XPO6: variants seen among roughly 807,000 people sequenced by gnomAD.
XPO6 encodes the protein exportin-6.
Under a neutral mutation model 130.0 loss-of-function variants are expected in XPO6, and 3 were observed. The observed-to-expected ratio is 0.02, with a 90% CI of 0.01 to 0.06. The LOEUF (loss-of-function observed/expected upper bound fraction) is 0.06. XPO6 is among the 10% of genes least tolerant of loss of function. The probability of loss-of-function intolerance (pLI) is 1.00; values close to 1 mark genes in which losing one functional copy is unlikely to be tolerated. For missense variants in XPO6, 970 were observed against 1,393.0 expected (o/e 0.70, Z 4.83); for synonymous variants, 524 against 548.9 (o/e 0.95, Z 0.63).
intron 1 of XPO6, among the ~76,000 whole-genome samples, chr16:28,194,122 C>G (rs966876906): frequency 1.3e-5 from 2 of 152,124 alleles, no homozygotes; most frequent in Non-Finnish European, 2.9e-5. Context: ...CTCCCCCTCA[C>G]CAAGTAGCTA....
intron 1 of XPO6, among the ~76,000 whole-genome samples, chr16:28,200,985 C>G (rs1245289330): frequency 6.6e-6 from 1 of 152,044 alleles, no homozygotes; most frequent in Non-Finnish European, 1.5e-5. Flanking sequence ...GCCTCTTTCA[C>G]CCCCTCACTT....
chr16:28,177,101 G>A, intron 3 of XPO6, 119 bp downstream of exon 3: 1 of 518,830 alleles, frequency 1.9e-6, no homozygotes, highest in Non-Finnish European at 3.3e-6. Context: ...TATGTGGGAC[G>A]ACATCCCAGA....
chr16:28,169,718 C>T (rs1399185260), intron 5 of XPO6, 32 bp downstream of exon 5: 2 of 1,609,836 alleles, frequency 1.2e-6, no homozygotes, highest in African/African-American at 2.7e-5. Flanking sequence ...TGCGGGCAGG[C>T]CTCTATCTCT....
chr16:28,152,591 C>A lies in XPO6; in HGVS notation c.1224+68G>T. The A allele has an allele frequency of 1.9e-5, 30 of 1,541,102 alleles. 1 individual carries two copies. The highest frequency in any genetic ancestry group is 8.7e-5 in the South Asian group (7 of 80,134). On this transcript the variant is annotated intron_variant, in intron 8 of 23. Transcript: ENST00000304658. ...GAAAATAAAGTTGAAAGAAAAAGTTCTTTCTTCTCAAAGTAACAAGGTAAT... is the reference window on the plus strand; with the variant it reads ...GAAAATAAAGTTGAAAGAAAAAGTTATTTCTTCTCAAAGTAACAAGGTAAT...
intron 6 of XPO6, among the ~76,000 whole-genome samples, chr16:28,158,238 C>T (rs2043214006): frequency 6.6e-6 from 1 of 152,086 alleles, no homozygotes; most frequent in Non-Finnish European, 1.5e-5. Flanking sequence ...CTGTTGATTA[C>T]GGGGAAGGGA....
intron 18 of XPO6, 111 bp downstream of exon 18, chr16:28,107,411 G>C (rs2141239151): frequency 7.7e-7 from 1 of 1,299,024 alleles, no homozygotes; most frequent in East Asian, 2.3e-5. Context: ...TCGTTGCACG[G>C]AACAAGTCAA....
intron 7 of XPO6, chr16:28,154,483 A>C (rs2043150429): frequency 5.2e-6 from 1 of 192,700 alleles, no homozygotes. Context: ...GAAGCCAAGG[A>C]TCTGGTTAGC....
intron 6 of XPO6, among the ~76,000 whole-genome samples, chr16:28,161,555 G>C (rs990178447): frequency 1.3e-5 from 2 of 151,190 alleles, no homozygotes; most frequent in African/African-American, 4.9e-5. Flanking sequence ...ACTTTTTCCA[G>C]AATGGATGCT....
At position 28,117,349 on chromosome 16, in the gene XPO6, A is replaced by G. The variant is rs1326563278; in HGVS notation, c.1973T>C (p.Met658Thr). Reference sequence around the variant, plus strand: ...GCTGATTAGAGGTGTGATTGCATCCATGGTAGTAGAGATGAGTGTCACGAA... The same window carrying G: ...GCTGATTAGAGGTGTGATTGCATCCGTGGTAGTAGAGATGAGTGTCACGAA... ...QQFVTLISTT[M>T]DAITPLISTK... is the part of the protein sequence containing the mutation. Residue 658 changes from methionine to threonine, a missense_variant, in exon 15 of 24, where the codon ATG (methionine) becomes ACG (threonine). This residue lies in a region of XPO6 where 936 missense variants were observed against 1,306.8 expected (regional missense o/e 0.72). Transcript: ENST00000304658. 2 of 1,614,168 alleles carry G rather than the reference A, an allele frequency of 1.2e-6. No homozygotes were observed. Among genetic ancestry groups the G allele is most frequent in the South Asian group, 1.1e-5 (1 of 91,078 alleles).
chr16:28,200,569 C>T (rs1051223828), intron 1 of XPO6, among the ~76,000 whole-genome samples: 1 of 151,962 alleles, frequency 6.6e-6, no homozygotes, highest in African/African-American at 2.4e-5. Context: ...GCACTCCAGC[C>T]TGAGCAACAG....
At chr16:28,164,170 G>C (rs759668294) in intron 6 of XPO6, among the ~76,000 whole-genome samples, 1 of 152,170 alleles carries the variant, frequency 6.6e-6, no homozygotes. Context: ...CTAAACCTAA[G>C]ACACAGGGCA....
intron 20 of XPO6, chr16:28,105,837 T>G (rs920437428): frequency 2.8e-6 from 2 of 720,788 alleles, no homozygotes; most frequent in African/African-American, 1.8e-5. Context: ...ACTGCCATGC[T>G]TACACTAGAC....
At chr16:28,112,789 C>G in intron 16 of XPO6, 115 bp downstream of exon 16, 1 of 1,344,872 alleles carries the variant, frequency 7.4e-7, no homozygotes, top group South Asian at 1.5e-5. Flanking sequence ...TCTGTCTATG[C>G]TGGTACAGCC....
In XPO6 at chr16:28,171,656, T is replaced by C. The variant is rs551896008; in HGVS notation, c.406-1747A>G. Among the ~76,000 whole-genome samples, 202 of 152,158 alleles carry C rather than the reference T, an allele frequency of 1.3e-3. 5 individuals carry two copies. Among genetic ancestry groups the C allele is most frequent in the Non-Finnish European group, 5.0e-4 (34 of 68,028 alleles). On this transcript the variant is annotated intron_variant, in intron 4 of 23. Coordinates refer to ENST00000304658, the MANE Select transcript of XPO6 (RefSeq NM_015171.4). ...GCAGCAATGAATGATGTGTTTAAAATGCTCTCTATAAATTCAGGTCTCTTG... is the reference window on the plus strand; with the variant it reads ...GCAGCAATGAATGATGTGTTTAAAACGCTCTCTATAAATTCAGGTCTCTTG...
chr16:28,173,589 T>G (rs1361024467), intron 4 of XPO6, among the ~76,000 whole-genome samples: 3 of 152,164 alleles, frequency 2.0e-5, no homozygotes, highest in South Asian at 2.1e-4. Context: ...TTTATTAAAA[T>G]AAAAGAAAAG....
chr16:28,152,526 C>T, intron 8 of XPO6, 133 bp downstream of exon 8: 2 of 1,126,654 alleles, frequency 1.8e-6, no homozygotes, highest in Non-Finnish European at 2.4e-6. Flanking sequence ...GAAGATTAAA[C>T]CTGTGACTCT....
In XPO6 at chr16:28,098,319, C is replaced by A; in HGVS notation, c.*219G>T. ...TGGCCACACACCCCTCCGCCTGCTC[C>A]AACGCCCTGGGAGCACCGTCCAGTG... On this transcript the variant is annotated 3_prime_UTR_variant, in exon 24 of 24. Transcript: ENST00000304658. 2.0e-6 allele frequency: 1 copy of A among 496,136 alleles called. No individual in the cohort carries two copies. The highest frequency in any genetic ancestry group is 3.6e-6 in the Non-Finnish European group (1 of 276,404). The allele number at this position is 496,136 out of a possible 1,614,324, so 30.7% of individuals were successfully genotyped here.
At position 28,174,304 on chromosome 16, in the gene XPO6, G is replaced by T. The variant is rs988762094; in HGVS notation, c.405+1594C>A. 2.0e-5 allele frequency among the ~76,000 whole-genome samples: 3 copies of T among 152,112 alleles called. No homozygotes were observed. In the South Asian group the frequency reaches 6.2e-4, roughly 31 times the overall value. ...CCCCCACTCAGGTTTCTGCTCAAAT[G>T]TCTGTCCCCAGAAAAGCCTTCTACG... is the stretch of plus-strand genomic sequence containing the variant. On this transcript the variant is annotated intron_variant, in intron 4 of 23. Transcript: ENST00000304658.
chr16:28,143,930 C>A (rs945418186), intron 9 of XPO6, among the ~76,000 whole-genome samples: 2 of 152,170 alleles, frequency 1.3e-5, no homozygotes, highest in African/African-American at 2.4e-5. Context: ...CCACCGCACT[C>A]GGCCTTGTAC....
Sources: allele counts gnomAD v4.1 joint callset (sites outside exome capture counted in the v4.1 genomes callset), GRCh38; gene constraint gnomAD v4.1.1; regional missense constraint gnomAD v4.1.1; transcripts MANE v1.5; gene names NCBI Gene and HGNC (gene_info 2026-07-23, HGNC 2026-07-21).